MCM3: variants seen among roughly 807,000 people sequenced by gnomAD.
MCM3 encodes minichromosome maintenance complex component 3, also known as DNA replication licensing factor MCM3.
Under a neutral mutation model 91.3 loss-of-function variants are expected in MCM3, and 59 were observed. The observed-to-expected ratio is 0.65, with a 90% CI of 0.52 to 0.80. MCM3 has a LOEUF of 0.80. Ranked by LOEUF, MCM3 falls within the 30% of genes least tolerant of loss-of-function variation. The pLI, the probability that MCM3 is intolerant of heterozygous loss-of-function variation, is 0.00. For synonymous variants in MCM3, 383 were observed against 379.6 expected (o/e 1.01, Z -0.10); for missense variants, 919 against 1,035.4 (o/e 0.89, Z 1.54).
intron 14 of MCM3, 25 bp downstream of exon 14, chr6:52,267,840 A>T: frequency 1.2e-6 from 1 of 865,086 alleles, no homozygotes; most frequent in Non-Finnish European, 1.9e-6. Context: ...TAACTTTTTA[A>T]TCTCATTTGC....
intron 1 of MCM3, among the ~76,000 whole-genome samples, chr6:52,284,069 T>C (rs1467848685): frequency 1.3e-5 from 2 of 152,248 alleles, no homozygotes; most frequent in Non-Finnish European, 2.9e-5. Flanking sequence ...CAACATTCTA[T>C]GGCTTTAAGT....
intron 6 of MCM3, 101 bp from the exon 7 acceptor site, chr6:52,277,789 C>G (rs1016529359): frequency 2.3e-5 from 24 of 1,048,788 alleles, no homozygotes; most frequent in Non-Finnish European, 3.2e-5. Context: ...TTGAAGAGGG[C>G]CAGGCGCAGT....
At chr6:52,268,087 T>C (rs957384125) in intron 13 of MCM3, 119 bp from the exon 14 acceptor site, 1 of 1,373,396 alleles carries the variant, frequency 7.3e-7, no homozygotes, top group Non-Finnish European at 1.0e-6. Context: ...TCCAATGGTT[T>C]ACCTAGCTCC....
At position 52,279,521 on chromosome 6, in the gene MCM3, T is replaced by C. The variant is rs1040213957; in HGVS notation, c.610A>G (p.Met204Val). The change falls in exon 5 of 17, where the codon ATG becomes GTG. Residue 204 changes from methionine (M) to valine (V), a missense_variant. Around this residue, in one of 3 missense-constraint regions of MCM3, gnomAD observed 401 missense variants for 402.7 expected, o/e 1.00. Coordinates refer to ENST00000596288, the MANE Select transcript of MCM3 (RefSeq NM_002388.6). The part of the protein sequence containing the change: ...KDHQTITIQE[M>V]PEKAPAGQLP... ...TGGCCGGCTGGGGCCTTCTCCGGCA[T>C]CTCCTGGATGGTGATGGTCTGGTGA... The C allele has an allele frequency of 6.2e-7, 1 of 1,614,018 alleles. No individual in the cohort carries two copies. Among genetic ancestry groups the C allele is most frequent in the Non-Finnish European group, 8.5e-7 (1 of 1,180,034 alleles).
intron 9 of MCM3, among the ~76,000 whole-genome samples, chr6:52,274,708 C>T (rs79467157): frequency 0.016 from 2,325 of 149,166 alleles, 53 homozygotes; most frequent in African/African-American, 0.055. Context: ...AAAAAAAAAT[C>T]AAGGGAGTTT....
chr6:52,266,341 C>T (rs1764639513), intron 15 of MCM3, among the ~76,000 whole-genome samples, 197 bp from the exon 16 acceptor site: 1 of 152,148 alleles, frequency 6.6e-6, no homozygotes, highest in Non-Finnish European at 1.5e-5. Context: ...GGAATTTAGT[C>T]AGGCAGGAGA....
intron 1 of MCM3, 107 bp from the exon 2 acceptor site, chr6:52,283,513 G>A: frequency 1.3e-6 from 1 of 779,672 alleles, no homozygotes. Flanking sequence ...CTGCAGCAGA[G>A]CTGAATCCCC....
At chr6:52,273,625 G>T in intron 10 of MCM3, 117 bp downstream of exon 10, 1 of 1,061,838 alleles carries the variant, frequency 9.4e-7, no homozygotes, top group Non-Finnish European at 1.4e-6. Flanking sequence ...ACAGTTGAGG[G>T]CTCTTCAACA....
chr6:52,281,011 G>A (rs1037391831), intron 4 of MCM3, among the ~76,000 whole-genome samples: 2 of 152,134 alleles, frequency 1.3e-5, no homozygotes, highest in South Asian at 2.1e-4. Context: ...CCTCCATAGC[G>A]CCTAATAGTG....
At position 52,273,930 on chromosome 6, in the gene MCM3, GGAC is replaced by G; in HGVS notation, c.1375-17_1375-15del. 1 of 1,596,226 alleles carries G rather than the reference GGAC, an allele frequency of 6.3e-7. No homozygotes were observed. On this transcript the variant is annotated splice_polypyrimidine_tract_variant and intron_variant, in intron 9 of 16. Transcript: ENST00000596288. ...ATACTGGTCATACTGGGGAATGCGA[GGAC>G]AACAGAAGTGGACATGACATCAATA...
At chr6:52,278,620 A>G in intron 6 of MCM3, 122 bp downstream of exon 6, 1 of 612,940 alleles carries the variant, frequency 1.6e-6, no homozygotes, top group Non-Finnish European at 2.8e-6. Flanking sequence ...TGAGACAAAA[A>G]TAGAAAAAGC....
intron 1 of MCM3, 22 bp downstream of exon 1, chr6:52,284,575 C>G (rs746869821): frequency 6.3e-7 from 1 of 1,589,256 alleles, no homozygotes; most frequent in Non-Finnish European, 8.5e-7. Flanking sequence ...CGCTAGAGCC[C>G]GCGCGCCGGC....
intron 4 of MCM3, 134 bp from the exon 5 acceptor site, chr6:52,279,733 T>C: frequency 1.5e-6 from 1 of 673,994 alleles, no homozygotes; most frequent in East Asian, 2.6e-5. Flanking sequence ...GTACCTTCTC[T>C]AGCTTTTTGT....
chr6:52,279,789 C>T (rs1765916745), intron 4 of MCM3, among the ~76,000 whole-genome samples, 190 bp from the exon 5 acceptor site: 1 of 152,182 alleles, frequency 6.6e-6, no homozygotes, highest in Admixed American at 6.5e-5. Flanking sequence ...AGGGGCAACC[C>T]ATAGTCTGAA....
intron 10 of MCM3, 74 bp from the exon 11 acceptor site, chr6:52,273,430 CAA>C (rs1222467044): frequency 1.4e-6 from 2 of 1,463,766 alleles, no homozygotes; most frequent in Non-Finnish European, 1.9e-6. Flanking sequence ...TTCTATAGCA[CAA>C]GAAGGGGAGA....
chr6:52,271,508 G>A (rs1178038660), intron 12 of MCM3, among the ~76,000 whole-genome samples: 1 of 152,070 alleles, frequency 6.6e-6, no homozygotes, highest in Non-Finnish European at 1.5e-5. Context: ...CGGGTGTAGT[G>A]GTGCATGCCT....
intron 4 of MCM3, 66 bp from the exon 5 acceptor site, chr6:52,279,665 G>A (rs534431174): frequency 2.6e-6 from 3 of 1,167,802 alleles, no homozygotes; most frequent in Non-Finnish European, 3.7e-6. Context: ...ACACTCACCT[G>A]TCATGGCAAA....
At position 52,269,053 on chromosome 6, in the gene MCM3, G is replaced by T. The variant is rs1330677690; in HGVS notation, c.1968+33C>A. ...CCATGCATCTGTAATATATCCAGGAGATCCTCTCATGCCCAGGCATCTGAA... is the reference window on the plus strand; with the variant it reads ...CCATGCATCTGTAATATATCCAGGATATCCTCTCATGCCCAGGCATCTGAA... On this transcript the variant is annotated intron_variant, in intron 13 of 16. Transcript: ENST00000596288. 5.6e-6 allele frequency: 9 copies of T among 1,595,298 alleles called. No homozygotes were observed. In the East Asian group the frequency reaches 1.6e-4, roughly 28 times the overall value.
chr6:52,267,493 T>G (rs1764734857), intron 14 of MCM3, among the ~76,000 whole-genome samples: 1 of 149,500 alleles, frequency 6.7e-6, no homozygotes, highest in Admixed American at 6.7e-5. Context: ...CCTTCTACCC[T>G]CTACTTCTCT....
Sources: gnomAD v4.1 joint callset for allele counts (sites outside exome capture counted in the v4.1 genomes callset) on GRCh38, gnomAD v4.1.1 for gene constraint, gnomAD v4.1.1 regional missense constraint, MANE v1.5 for transcripts, NCBI Gene and HGNC (gene_info 2026-07-23, HGNC 2026-07-21) for gene names.